The following IGSF11 variants were observed in gnomAD, a reference collection of about 807,000 sequenced individuals.
IGSF11 encodes the protein immunoglobulin superfamily member 11, also known as CXADR like 1.
IGSF11 carries 22 observed loss-of-function variants against 41.0 expected under a neutral mutation model. That is an observed-to-expected ratio of 0.54 (90% confidence interval 0.38 to 0.77). IGSF11 has a LOEUF of 0.77. Among genes scored for constraint, IGSF11 ranks in the 30% least tolerant of loss-of-function variants. IGSF11 has a pLI of 0.00. For synonymous variants in IGSF11, 219 were observed against 201.3 expected (o/e 1.09, Z -0.74); for missense variants, 444 against 530.8 (o/e 0.84, Z 1.61).
chr3:119,111,977 TGTGTGAGGTGTCAGTCTGCCCCCACTGG>T (rs2077170949), intron 1 of IGSF11, among the ~76,000 whole-genome samples: 1 of 152,174 alleles, frequency 6.6e-6, no homozygotes, highest in African/African-American at 2.4e-5. Flanking sequence ...AGTACCCAGC[TGTGTGAGGTGTCAGTCTGCCCCCACTGG>T]GTGGTGCCTC....
Position 119,034,818 on chromosome 3 carries a change from G to A in IGSF11, c.-236C>T. On this transcript the variant is annotated 5_prime_UTR_variant, in exon 1 of 7. Transcript: ENST00000393775. ...GACCAGAGGCGTTCCGGGCTCGCCA[G>A]CCGTGCCACCCAGCCCTGCCCCAGG... The A allele has an allele frequency of 3.2e-6, 4 of 1,257,258 alleles. No homozygotes were observed. Among genetic ancestry groups the A allele is most frequent in the African/African-American group, 1.6e-5 (1 of 64,418 alleles). 77.9% of individuals were successfully genotyped at this position (1,257,258 alleles called of 1,614,324 possible). A position where few individuals can be genotyped will look rare whatever the true frequency, so the allele number is the denominator to read the frequency against.
upstream of IGSF11, chr3:119,034,981 G>A: frequency 3.1e-6 from 1 of 326,834 alleles, no homozygotes; most frequent in Non-Finnish European, 4.5e-6. Context: ...CCAGCGCGAC[G>A]CCTGGCGGCC....
rs376681879 is a variant in IGSF11 at position 119,139,152 on chromosome 3, T to C, written c.-14+6661A>G. ...CCCATAGATATATACACCTACTATA[T>C]AACCAAAAAATATATATAAATAAAA... On this transcript the variant is annotated intron_variant, in intron 1 of 7. Coordinates refer to the IGSF11 transcript ENST00000425327. Among the ~76,000 whole-genome samples the C allele has an allele frequency of 1.9e-4, 29 of 152,104 alleles. 2 individuals are homozygous for C. In the East Asian group the frequency reaches 3.9e-3, roughly 20 times the overall value.
At chr3:119,092,874 G>A (rs111838416) in intron 1 of IGSF11, among the ~76,000 whole-genome samples, 1,657 of 152,254 alleles carry the variant, frequency 0.011, 30 homozygotes, top group African/African-American at 0.036. Context: ...ACTCAGTACA[G>A]TAACATGCTA....
Position 118,951,837 on chromosome 3 carries a change from T to C in IGSF11, c.53-21562A>G, listed in dbSNP as rs892756885. 3.3e-5 allele frequency among the ~76,000 whole-genome samples: 5 copies of C among 152,278 alleles called. 1 individual carries two copies. The highest frequency in any genetic ancestry group is 1.9e-4 in the East Asian group (1 of 5,194). The stretch of plus-strand genomic sequence containing the variant: ...CGTAAATGCTATGTAAATATAGTAT[T>C]GTTTCTATTTGTATGTTTTATCATT... On this transcript the variant is annotated intron_variant, in intron 1 of 6. Transcript: ENST00000393775.
At chr3:119,056,763 G>C (rs1208387282) in intron 1 of IGSF11, among the ~76,000 whole-genome samples, 1 of 152,120 alleles carries the variant, frequency 6.6e-6, no homozygotes, top group Non-Finnish European at 1.5e-5. Flanking sequence ...ACATCAAAAA[G>C]CTTATCCACC....
intron 4 of IGSF11, among the ~76,000 whole-genome samples, chr3:118,921,993 T>C (rs1408166434): frequency 6.6e-6 from 1 of 151,896 alleles, no homozygotes; most frequent in East Asian, 1.9e-4. Flanking sequence ...TGGTATTATA[T>C]GATACTAAAA....
intron 1 of IGSF11, among the ~76,000 whole-genome samples, chr3:118,931,009 G>T (rs547926502): frequency 8.5e-5 from 13 of 152,288 alleles, no homozygotes; most frequent in Admixed American, 2.0e-4. Flanking sequence ...TATGGTACTA[G>T]CTTTTTAAGG....
At position 118,930,128 on chromosome 3, in the gene IGSF11, G is replaced by C; in HGVS notation, c.200C>G (p.Ala67Gly). The C allele has an allele frequency of 6.2e-7, 1 of 1,613,482 alleles. No homozygotes were observed. The highest frequency in any genetic ancestry group is 1.1e-5 in the South Asian group (1 of 90,940). ...VIWMVTPLSN[A>G]NQPEQVILYQ... ...CAGAAATACCTGTTCAGGTTGGTTGGCATTGGAGAGAGGAGTGACCATCCA... is the reference window on the plus strand; with the variant it reads ...CAGAAATACCTGTTCAGGTTGGTTGCCATTGGAGAGAGGAGTGACCATCCA... Residue 67 changes from alanine (A) to glycine (G), a missense_variant, in exon 2 of 7, where the codon GCC (alanine) becomes GGC (glycine). Ala to Gly is a moderately conservative substitution (Grantham distance 60, BLOSUM62 0). Transcript: ENST00000393775.
intron 1 of IGSF11, among the ~76,000 whole-genome samples, chr3:118,965,781 C>A (rs1363860393): frequency 6.6e-6 from 1 of 152,034 alleles, no homozygotes; most frequent in Admixed American, 6.6e-5. Context: ...CTTCTAAAAT[C>A]CCTGCAAAAT....
At chr3:118,928,310 T>C (rs1317296230) in intron 3 of IGSF11, among the ~76,000 whole-genome samples, 199 bp downstream of exon 3, 2 of 152,128 alleles carry the variant, frequency 1.3e-5, no homozygotes, top group African/African-American at 4.8e-5. Context: ...AAGTAAGTTT[T>C]AGAGACCGCC....
chr3:118,942,934 G>C (rs1244112855), intron 1 of IGSF11: 1 of 152,232 alleles, frequency 6.6e-6, no homozygotes, highest in Non-Finnish European at 1.5e-5. Flanking sequence ...GAGGGGAATG[G>C]AAGTTGGCCA....
chr3:118,917,098 A>G lies in IGSF11; in HGVS notation c.580+9003T>C, dbSNP rs1292099019. Among the ~76,000 whole-genome samples, 6 of 152,046 alleles carry G rather than the reference A, an allele frequency of 3.9e-5. No homozygotes were observed. In the South Asian group the frequency reaches 8.4e-4, roughly 21 times the overall value. On this transcript the variant is annotated intron_variant, in intron 4 of 6. Transcript: ENST00000393775. ...CAACATAGCAGAATCTCTGGGACGC[A>G]TTCAAAGCAGTGTGTAGAGGGAAAT...
chr3:119,133,295 G>T (rs944953810), intron 1 of IGSF11, among the ~76,000 whole-genome samples: 2 of 152,066 alleles, frequency 1.3e-5, no homozygotes, highest in Non-Finnish European at 2.9e-5. Context: ...TTTTTGAAAA[G>T]ATCAACAAAA....
At chr3:119,042,577 G>T (rs1941159810) in intron 1 of IGSF11, among the ~76,000 whole-genome samples, 1 of 152,060 alleles carries the variant, frequency 6.6e-6, no homozygotes, top group African/African-American at 2.4e-5. Flanking sequence ...CCATTGGCCT[G>T]GGAACCACCT....
chr3:119,136,802 C>T (rs369235315), intron 1 of IGSF11, among the ~76,000 whole-genome samples: 9 of 152,070 alleles, frequency 5.9e-5, no homozygotes, highest in African/African-American at 2.2e-4. Flanking sequence ...GTCTGCAGAT[C>T]CAGATATAAT....
chr3:119,101,867 C>T (rs1218291829), intron 1 of IGSF11, among the ~76,000 whole-genome samples: 1 of 152,194 alleles, frequency 6.6e-6, no homozygotes, highest in Non-Finnish European at 1.5e-5. Context: ...TTCATTTTCA[C>T]TTTCTTCTTA....
chr3:119,002,515 G>A (rs1162207976), intron 1 of IGSF11, among the ~76,000 whole-genome samples: 1 of 131,750 alleles, frequency 7.6e-6, no homozygotes, highest in East Asian at 2.1e-4. Context: ...TGTTGCCATT[G>A]CTTTTGGTGT....
chr3:119,077,492 A>G (rs2076520479), intron 1 of IGSF11, among the ~76,000 whole-genome samples: 1 of 152,146 alleles, frequency 6.6e-6, no homozygotes, highest in African/African-American at 2.4e-5. Flanking sequence ...TTAAAAAGAA[A>G]AAAAACCCTC....
Sources: gnomAD v4.1 joint callset for allele counts (sites outside exome capture counted in the v4.1 genomes callset) on GRCh38, gnomAD v4.1.1 for gene constraint, MANE v1.5 for transcripts, NCBI Gene and HGNC (gene_info 2026-07-23, HGNC 2026-07-21) for gene names.